The following RNF24 variants were observed in gnomAD, a reference collection of about 807,000 sequenced individuals.
The protein encoded by RNF24 is ring finger protein 24.
RNF24 carries 14 observed loss-of-function variants against 20.0 expected under a neutral mutation model. That is an observed-to-expected ratio of 0.70 (90% confidence interval 0.46 to 1.10). RNF24 has a LOEUF of 1.10. RNF24 is among the 50% of genes least tolerant of loss of function. The pLI, the probability that RNF24 is intolerant of heterozygous loss-of-function variation, is 0.00. For synonymous variants in RNF24, 45 were observed against 61.1 expected (o/e 0.74, Z 1.23); for missense variants, 124 against 177.6 (o/e 0.70, Z 1.71).
intron 1 of RNF24, among the ~76,000 whole-genome samples, chr20:4,007,123 A>G (rs781228353): frequency 4.6e-5 from 7 of 152,264 alleles, no homozygotes; most frequent in African/African-American, 1.4e-4. Context: ...AACAGTTTCT[A>G]CAACTAAAAA....
chr20:3,997,807 T>G (rs986028382), intron 1 of RNF24, among the ~76,000 whole-genome samples: 2 of 152,230 alleles, frequency 1.3e-5, no homozygotes, highest in African/African-American at 4.8e-5. Context: ...AAATCTAACA[T>G]TACAATGTAA....
At chr20:4,003,806 C>T (rs778932833) in intron 1 of RNF24, among the ~76,000 whole-genome samples, 3 of 151,930 alleles carry the variant, frequency 2.0e-5, no homozygotes, top group Non-Finnish European at 2.9e-5. Context: ...CCACACCTGG[C>T]TAATTTTTGT....
intron 4 of RNF24, among the ~76,000 whole-genome samples, chr20:3,944,532 AGAAGGAAAGGGT>A (rs1286086458): frequency 6.6e-6 from 1 of 152,226 alleles, no homozygotes; most frequent in Non-Finnish European, 1.5e-5. Context: ...CCAGAAAGGG[AGAAGGAAAGGGT>A]GATAAAAAAT....
In RNF24 at chr20:3,933,221, C is replaced by T; in HGVS notation, c.*842G>A. On this transcript the variant is annotated 3_prime_UTR_variant, in exon 6 of 6. Coordinates refer to ENST00000358395, the MANE Select transcript of RNF24 (RefSeq NM_001134337.3). ...CTCAAAAAGCCACTGCTCTTTGGAG[C>T]CACTCGAGAGGTTCACAGTGGCTCC... 2.5e-6 allele frequency: 1 copy of T among 398,528 alleles called. No individual in the cohort carries two copies. The highest frequency in any genetic ancestry group is 4.4e-6 in the Non-Finnish European group (1 of 226,072). 24.7% of individuals were successfully genotyped at this position (398,528 alleles called of 1,614,324 possible). A position where few individuals can be genotyped will look rare whatever the true frequency, so the allele number is the denominator to read the frequency against.
chr20:3,945,149 C>G (rs368457632), intron 4 of RNF24, 28 bp downstream of exon 4: 3 of 1,594,636 alleles, frequency 1.9e-6, no homozygotes, highest in African/African-American at 2.7e-5. Context: ...GAAAATGGCT[C>G]AAGAGGATTT....
At chr20:4,014,739 GCACACACACACACACACACACA>G (rs146278311) in intron 1 of RNF24, among the ~76,000 whole-genome samples, 3 of 143,670 alleles carry the variant, frequency 2.1e-5, no homozygotes, top group Non-Finnish European at 3.0e-5. Context: ...ACTTGAATGC[GCACACACACACACACACACACA>G]CACACACACA....
At chr20:4,005,962 A>C (rs1203467454) in intron 1 of RNF24, among the ~76,000 whole-genome samples, 1 of 152,246 alleles carries the variant, frequency 6.6e-6, no homozygotes, top group Admixed American at 6.5e-5. Flanking sequence ...TATGATATTA[A>C]ATCTGCTAAA....
intron 2 of RNF24, among the ~76,000 whole-genome samples, chr20:3,951,161 G>T (rs2091077096): frequency 6.6e-6 from 1 of 152,162 alleles, no homozygotes; most frequent in African/African-American, 2.4e-5. Context: ...ATTTCACCGT[G>T]TTAGCCAGGA....
At chr20:3,941,059 T>G (rs566645248) in intron 4 of RNF24, among the ~76,000 whole-genome samples, 7 of 152,220 alleles carry the variant, frequency 4.6e-5, no homozygotes, top group Admixed American at 2.0e-4. Context: ...GGCCTCACTC[T>G]GTCACCTACG....
chr20:4,010,141 G>A (rs1600728115), intron 1 of RNF24, among the ~76,000 whole-genome samples: 1 of 152,248 alleles, frequency 6.6e-6, no homozygotes, highest in East Asian at 1.9e-4. Flanking sequence ...TTGGGAGGCT[G>A]AGGTAGGCAG....
Position 3,942,173 on chromosome 20 carries a change from A to ATT in RNF24, c.228+3002_228+3003dup, listed in dbSNP as rs35759811. ...ATGGCTATATTAATATCAGAAAAAT[A>ATT]TTTTTTTTTTTTTGAGGTAGGTTCT... On this transcript the variant is annotated intron_variant, in intron 4 of 5. Coordinates refer to ENST00000358395, the MANE Select transcript of RNF24 (RefSeq NM_001134337.3). Among the ~76,000 whole-genome samples the ATT allele has an allele frequency of 8.5e-3, 1,244 of 145,582 alleles. 15 individuals are homozygous for ATT. The highest frequency in any genetic ancestry group is 0.026 in the African/African-American group (1,016 of 39,662).
intron 1 of RNF24, among the ~76,000 whole-genome samples, chr20:4,010,265 C>A (rs181785315): frequency 4.2e-5 from 6 of 143,940 alleles, no homozygotes; most frequent in African/African-American, 1.6e-4. Flanking sequence ...CCCAGCTACT[C>A]GGGAGGCTGA....
chr20:3,985,149 T>C (rs1341560357), intron 1 of RNF24, among the ~76,000 whole-genome samples: 4 of 152,246 alleles, frequency 2.6e-5, no homozygotes, highest in Non-Finnish European at 4.4e-5. Context: ...GCCTTAATTT[T>C]ACTGACTACC....
chr20:3,972,287 T>C (rs536275160), intron 1 of RNF24, among the ~76,000 whole-genome samples: 2 of 152,182 alleles, frequency 1.3e-5, no homozygotes, highest in African/African-American at 4.8e-5. Context: ...ACAACACAAT[T>C]AGACAACAGG....
chr20:3,974,416 A>C, intron 1 of RNF24: 1 of 1,537,388 alleles, frequency 6.5e-7, no homozygotes, highest in Non-Finnish European at 8.8e-7. Context: ...CAGTGCAATA[A>C]GGTAGAAAAG....
rs1980769502 is a variant in RNF24 at position 3,995,279 on chromosome 20, TG to T, written c.-8+20157del. Among the ~76,000 whole-genome samples, 3 of 152,228 alleles carry T rather than the reference TG, an allele frequency of 2.0e-5. No individual in the cohort carries two copies. In the South Asian group the frequency reaches 6.2e-4, roughly 32 times the overall value. On this transcript the variant is annotated intron_variant, in intron 1 of 5. Transcript: ENST00000358395. ...TTGTTCTCTGGTGTGAGGCTGGCATTGGGGTTAGGAATCATTTGGGCCTGAG... is the reference window on the plus strand; with the variant it reads ...TTGTTCTCTGGTGTGAGGCTGGCATTGGGTTAGGAATCATTTGGGCCTGAG...
At position 3,933,158 on chromosome 20, in the gene RNF24, A is replaced by G; in HGVS notation, c.*905T>C. On this transcript the variant is annotated 3_prime_UTR_variant, in exon 6 of 6. Transcript: ENST00000358395. ...GAGGGGGAGAGGCCAAAGGGTCGGC[A>G]TTCCCTTCATCCAGCCGGGCCAGAA... 2.6e-6 allele frequency: 1 copy of G among 382,652 alleles called. No individual in the cohort carries two copies. Among genetic ancestry groups the G allele is most frequent in the Non-Finnish European group, 4.5e-6 (1 of 221,270 alleles). 23.7% of individuals were successfully genotyped at this position (382,652 alleles called of 1,614,324 possible).
At chr20:3,956,722 G>T (rs1179612525) in intron 2 of RNF24, among the ~76,000 whole-genome samples, 3 of 151,994 alleles carry the variant, frequency 2.0e-5, no homozygotes. Context: ...CCTAATATAT[G>T]AATTTAAAGC....
At position 3,934,077 on chromosome 20, in the gene RNF24, C is replaced by A; in HGVS notation, c.433G>T (p.Glu145Ter). The change falls in exon 6 of 6, where the codon GAG (glutamate) becomes TAG (stop). Residue 145 changes from glutamate (E) to a stop codon, truncating the protein, a stop_gained. Coordinates refer to ENST00000358395, the MANE Select transcript of RNF24 (RefSeq NM_001134337.3). LOFTEE classifies it high-confidence loss of function. This position sits in a 1 kb window ranked among gnomAD's most constrained non-coding sequence, Gnocchi z 4.0. Reference protein sequence around the residue: ...GPPQGPLPGAENIV With the variant: ...GPPQGPLPGA Reference sequence around the variant, plus strand: ...CTTGCGGTAAGCTATACAATGTTCTCTGCCCCAGGAAGGGGCCCCTGAGGG... The same window carrying A: ...CTTGCGGTAAGCTATACAATGTTCTATGCCCCAGGAAGGGGCCCCTGAGGG... The A allele has an allele frequency of 6.6e-7, 1 of 1,504,660 alleles. No individual in the cohort carries two copies. The highest frequency in any genetic ancestry group is 1.3e-5 in the South Asian group (1 of 74,404). The allele number at this position is 1,504,660 out of a possible 1,614,324, so 93.2% of individuals were successfully genotyped here. A position where few individuals can be genotyped will look rare whatever the true frequency, so the allele number is the denominator to read the frequency against.
Sources: gnomAD v4.1 joint callset for allele counts (sites outside exome capture counted in the v4.1 genomes callset) on GRCh38, gnomAD v4.1.1 for gene constraint, Gnocchi (gnomAD v3.1) non-coding constraint, MANE v1.5 for transcripts, NCBI Gene and HGNC (gene_info 2026-07-23, HGNC 2026-07-21) for gene names.